Variants in TAGLN observed in about 807,000 individuals in gnomAD.
TAGLN encodes transgelin, also known as 22 kDa actin-binding protein.
TAGLN carries 16 observed loss-of-function variants against 21.9 expected under a neutral mutation model. That is an observed-to-expected ratio of 0.73 (90% CI 0.49 to 1.11). The LOEUF is 1.11. Among genes scored for constraint, TAGLN ranks in the 50% least tolerant of loss-of-function variants. The pLI, the probability that TAGLN is intolerant of heterozygous loss-of-function variation, is 0.00. For synonymous variants in TAGLN, 96 were observed against 94.9 expected (o/e 1.01, Z -0.06); for missense variants, 248 against 263.2 (o/e 0.94, Z 0.40).
chr11:117,206,300 T>C lies in TAGLN; in HGVS notation c.*1941T>C, dbSNP rs1341833244. 19 of 1,614,172 alleles carry C rather than the reference T, an allele frequency of 1.2e-5. No individual in the cohort carries two copies. The highest frequency in any genetic ancestry group is 1.6e-5 in the Non-Finnish European group (19 of 1,180,014). On this transcript the variant is annotated 3_prime_UTR_variant, in exon 5 of 5. Coordinates refer to ENST00000392951, the MANE Select transcript of TAGLN (RefSeq NM_003186.5). ...CCACATTCCTCTGGCTCAAATATAC[T>C]TCCAGCATGTAGTAAACAGTCCAGA...
Position 117,204,806 on chromosome 11 carries a change from G to C in TAGLN, c.*447G>C, listed in dbSNP as rs988489746. ...AATCTTTTCTCAGGCCTGGCTGGCA[G>C]AGTTTGATTTGCCCTGGTCACTTTT... is the stretch of plus-strand genomic sequence containing the variant. On this transcript the variant is annotated 3_prime_UTR_variant, in exon 5 of 5. Coordinates refer to ENST00000392951, the MANE Select transcript of TAGLN (RefSeq NM_003186.5). The C allele has an allele frequency of 3.2e-6, 1 of 308,878 alleles. No individual in the cohort carries two copies. The highest frequency in any genetic ancestry group is 2.1e-5 in the African/African-American group (1 of 46,732). The allele number at this position is 308,878 out of a possible 1,614,324, so 19.1% of individuals were successfully genotyped here.
rs377127171 is a variant in TAGLN at position 117,203,097 on chromosome 11, G to A, written c.84G>A (p.Glu28=). 22 of 1,612,806 alleles carry A rather than the reference G, an allele frequency of 1.4e-5. No individual in the cohort carries two copies. The highest frequency in any genetic ancestry group is 1.9e-5 in the Non-Finnish European group (22 of 1,179,298). Residue 28 remains glutamate (E), a synonymous_variant, in exon 2 of 5, where the codon GAG becomes GAA. Transcript: ENST00000392951. This position sits in a 1 kb window ranked among gnomAD's most constrained non-coding sequence, Gnocchi z 4.4. ...AGAAGTATGACGAGGAGCTGGAGGAGCGGCTGGTGGAGTGGATCATAGTGC... is the reference window on the plus strand; with the variant it reads ...AGAAGTATGACGAGGAGCTGGAGGAACGGCTGGTGGAGTGGATCATAGTGC... ...IEKKYDEELE[E]RLVEWIIVQC... is the part of the protein sequence containing the mutation.
chr11:117,203,552 G>T lies in TAGLN; in HGVS notation c.358+68G>T. 1.3e-6 allele frequency: 2 copies of T among 1,568,064 alleles called. No homozygotes were observed. The highest frequency in any genetic ancestry group is 1.1e-5 in the South Asian group (1 of 87,576). ...GGGTGCTGGGACAGGGAGAGGGAAT[G>T]ACCAGAATATGCCACAACTAGGGGT... On this transcript the variant is annotated intron_variant, in intron 3 of 4. Transcript: ENST00000392951. This position sits in a 1 kb window ranked among gnomAD's most constrained non-coding sequence, Gnocchi z 4.4.
Position 117,203,475 on chromosome 11 carries a change from C to G in TAGLN, c.349C>G (p.Leu117Val), listed in dbSNP as rs2031189579. ...IKTDMFQTVD[L>V]FEGKDMAAVQ... ...GACTGACATGTTCCAGACTGTTGAC[C>G]TCTTTGAAGGTAGAGAGGAAGAGGC... Residue 117 changes from leucine to valine, a missense_variant, in exon 3 of 5, where the codon CTC (leucine) becomes GTC (valine). Physicochemically the swap from Leu to Val is conservative, Grantham distance 32. Transcript: ENST00000392951. This position sits in a 1 kb window ranked among gnomAD's most constrained non-coding sequence, Gnocchi z 4.4. 3.7e-6 allele frequency: 6 copies of G among 1,613,958 alleles called. No homozygotes were observed. The highest frequency in any genetic ancestry group is 1.3e-5 in the African/African-American group (1 of 75,010).
In TAGLN at chr11:117,204,987, G is replaced by A. The variant is rs922104621; in HGVS notation, c.*628G>A. On this transcript the variant is annotated 3_prime_UTR_variant, in exon 5 of 5. Coordinates refer to ENST00000392951, the MANE Select transcript of TAGLN (RefSeq NM_003186.5). ...GCCATAGAACAGGAGAGTGAATCTT[G>A]GGGACCGAAGGGAAAAAGGAGCCAC... The A allele has an allele frequency of 5.1e-6, 1 of 194,704 alleles. No homozygotes were observed. The highest frequency in any genetic ancestry group is 2.3e-5 in the African/African-American group (1 of 43,018). The allele number at this position is 194,704 out of a possible 1,614,324, so 12.1% of individuals were successfully genotyped here. A position where few individuals can be genotyped will look rare whatever the true frequency, so the allele number is the denominator to read the frequency against.
At chr11:117,201,753 G>A (rs2031103518) in intron 1 of TAGLN, 1 of 152,412 alleles carries the variant, frequency 6.6e-6, no homozygotes, top group African/African-American at 2.4e-5. Flanking sequence ...AGTGGGGAGG[G>A]GTCTCACCAG....
chr11:117,204,144 C>T (rs2031228588), intron 4 of TAGLN, 71 bp from the exon 5 acceptor site: 3 of 1,602,552 alleles, frequency 1.9e-6, no homozygotes, highest in East Asian at 2.2e-5. Flanking sequence ...TAGGACGTAA[C>T]AGAGGGATCA....
rs2031198904 is a variant in TAGLN at position 117,203,616 on chromosome 11, A to C, written c.358+132A>C. On this transcript the variant is annotated intron_variant, in intron 3 of 4. Transcript: ENST00000392951. The surrounding 1 kb of genome is among the most constrained non-coding windows in gnomAD (Gnocchi z 4.4). ...CACAGCAGGGATGGGATATGCCGAG[A>C]ATAACACGCCACGCTCACAGGGCCC... is the stretch of plus-strand genomic sequence containing the variant. 7.8e-7 allele frequency: 1 copy of C among 1,280,140 alleles called. No individual in the cohort carries two copies. Among genetic ancestry groups the C allele is most frequent in the African/African-American group, 1.5e-5 (1 of 67,864 alleles). The allele number at this position is 1,280,140 out of a possible 1,614,324, so 79.3% of individuals were successfully genotyped here. A position where few individuals can be genotyped will look rare whatever the true frequency, so the allele number is the denominator to read the frequency against.
At chr11:117,202,216 AAG>A (rs1186257751) in intron 1 of TAGLN, 2 of 152,226 alleles carry the variant, frequency 1.3e-5, no homozygotes, top group African/African-American at 4.8e-5. Context: ...GCATGAGGGG[AAG>A]TCGATGGGTA....
Position 117,206,966 on chromosome 11 carries a change from T to C in TAGLN, c.*2607T>C, listed in dbSNP as rs1251406370. On this transcript the variant is annotated 3_prime_UTR_variant, in exon 5 of 5. Transcript: ENST00000392951. ...GGGGCTCCATCTACCGGCTTGACGC[T>C]GGAACTGGGAAGCACAGCTGGGGTT... The C allele has an allele frequency of 1.5e-5, 21 of 1,417,316 alleles. No individual in the cohort carries two copies. The African/African-American group carries it at 2.0e-4, about 14-fold the overall frequency. 87.8% of individuals were successfully genotyped at this position (1,417,316 alleles called of 1,614,324 possible). A position where few individuals can be genotyped will look rare whatever the true frequency, so the allele number is the denominator to read the frequency against.
At position 117,203,977 on chromosome 11, in the gene TAGLN, C is replaced by T. The variant is rs1477253106; in HGVS notation, c.461+93C>T. On this transcript the variant is annotated intron_variant, in intron 4 of 4. Transcript: ENST00000392951. The surrounding 1 kb of genome is among the most constrained non-coding windows in gnomAD (Gnocchi z 4.4). ...GGGAAGGATTAGGGGAAGCAGATAG[C>T]CAAGAAAGGATAAAGTGAGGGTCTG... 1.6e-6 allele frequency: 2 copies of T among 1,235,520 alleles called. No individual in the cohort carries two copies. Among genetic ancestry groups the T allele is most frequent in the African/African-American group, 1.5e-5 (1 of 66,836 alleles). 76.5% of individuals were successfully genotyped at this position (1,235,520 alleles called of 1,614,324 possible).
At chr11:117,200,749 C>A (rs1027526780) in intron 1 of TAGLN, among the ~76,000 whole-genome samples, 23 of 152,140 alleles carry the variant, frequency 1.5e-4, no homozygotes, top group African/African-American at 5.6e-4. Context: ...GTACCTGTCA[C>A]CCTTAGCCTT....
chr11:117,205,438 G>A lies in TAGLN; in HGVS notation c.*1079G>A, dbSNP rs914100403. The A allele has an allele frequency of 3.9e-5, 9 of 233,720 alleles. No individual in the cohort carries two copies. The highest frequency in any genetic ancestry group is 2.8e-4 in the Admixed American group (5 of 17,780). The allele number at this position is 233,720 out of a possible 1,614,324, so 14.5% of individuals were successfully genotyped here. A position where few individuals can be genotyped will look rare whatever the true frequency, so the allele number is the denominator to read the frequency against. Reference sequence around the variant, plus strand: ...GAGCCGTGTGTATCCCAGCTGTGCCGGCAGCATCATACCAATCGTGGGGGT... The same window carrying A: ...GAGCCGTGTGTATCCCAGCTGTGCCAGCAGCATCATACCAATCGTGGGGGT... On this transcript the variant is annotated 3_prime_UTR_variant, in exon 5 of 5. Coordinates refer to ENST00000392951, the MANE Select transcript of TAGLN (RefSeq NM_003186.5).
At chr11:117,199,873 A>C (rs2031012153) in intron 1 of TAGLN, 1 of 152,192 alleles carries the variant, frequency 6.6e-6, no homozygotes, top group Admixed American at 6.5e-5. Context: ...ACGGTGTCCC[A>C]CTCTGGCGGG....
rs1392534664 is a variant in TAGLN, at chr11:117,199,407, C to CT, written c.-36dup. 2 of 152,494 alleles carry CT rather than the reference C, an allele frequency of 1.3e-5. No individual in the cohort carries two copies. The highest frequency in any genetic ancestry group is 1.3e-4 in the Admixed American group (2 of 15,306). The allele number at this position is 152,494 out of a possible 1,614,324, so 9.4% of individuals were successfully genotyped here. A position where few individuals can be genotyped will look rare whatever the true frequency, so the allele number is the denominator to read the frequency against. On this transcript the variant is annotated 5_prime_UTR_variant, in exon 1 of 5. Coordinates refer to ENST00000392951, the MANE Select transcript of TAGLN (RefSeq NM_003186.5). ...CGAACCCAGACACAAGTCTTCACTC[C>CT]TTCCTGCGAGCCCTGAGGAAGCCTT...
chr11:117,206,116 G>C lies in TAGLN; in HGVS notation c.*1757G>C, dbSNP rs753246101. The C allele has an allele frequency of 6.3e-7, 1 of 1,596,960 alleles. No individual in the cohort carries two copies. The highest frequency in any genetic ancestry group is 8.6e-7 in the Non-Finnish European group (1 of 1,167,982). The stretch of plus-strand genomic sequence containing the variant: ...TGCTCCAGCAGGTCTGGGGCAAGGA[G>C]GTCAGAGGTGGTGGGAGGGCCCCTG... On this transcript the variant is annotated 3_prime_UTR_variant, in exon 5 of 5. Transcript: ENST00000392951.
At chr11:117,200,547 C>T (rs920881553) in intron 1 of TAGLN, among the ~76,000 whole-genome samples, 4 of 152,074 alleles carry the variant, frequency 2.6e-5, no homozygotes, top group South Asian at 2.1e-4. Context: ...CCCACTGGCT[C>T]GAAGGCAGGA....
rs2031318482 is a variant in TAGLN at position 117,205,570 on chromosome 11, CA to C, written c.*1212del. The C allele has an allele frequency of 4.2e-6, 1 of 238,366 alleles. No homozygotes were observed. The highest frequency in any genetic ancestry group is 5.6e-5 in the Admixed American group (1 of 17,922). 14.8% of individuals were successfully genotyped at this position (238,366 alleles called of 1,614,324 possible). The stretch of plus-strand genomic sequence containing the variant: ...GACAGGCATGTCCAGGGGCTCCTCC[CA>C]GCCTCTACCCCGAAGTCCTCTTCCC... On this transcript the variant is annotated 3_prime_UTR_variant, in exon 5 of 5. Coordinates refer to ENST00000392951, the MANE Select transcript of TAGLN (RefSeq NM_003186.5).
At position 117,203,904 on chromosome 11, in the gene TAGLN, C is replaced by T; in HGVS notation, c.461+20C>T. ...TATGAAGTATGTGGCCCCCAGGGAG[C>T]TTGGGTCTCCGCATGGGGTGGGAGG... On this transcript the variant is annotated intron_variant, in intron 4 of 4. Transcript: ENST00000392951. The surrounding 1 kb of genome is among the most constrained non-coding windows in gnomAD (Gnocchi z 4.4). 6.3e-7 allele frequency: 1 copy of T among 1,599,700 alleles called. No individual in the cohort carries two copies. The highest frequency in any genetic ancestry group is 1.1e-5 in the South Asian group (1 of 90,762).
Sources: allele counts gnomAD v4.1 joint callset (sites outside exome capture counted in the v4.1 genomes callset), GRCh38; gene constraint gnomAD v4.1.1; non-coding constraint Gnocchi (gnomAD v3.1); transcripts MANE v1.5; gene names NCBI Gene and HGNC (gene_info 2026-07-23, HGNC 2026-07-21).